The following RBFOX1 variants were observed in gnomAD, a reference collection of about 807,000 sequenced individuals.
The protein encoded by RBFOX1 is RNA binding fox-1 homolog 1, also known as RNA binding protein fox-1 homolog 1.
Under a neutral mutation model 57.7 loss-of-function variants are expected in RBFOX1, and 8 were observed. That is an observed-to-expected ratio of 0.14 (90% CI 0.08 to 0.25). The LOEUF (loss-of-function observed/expected upper bound fraction) is 0.25, where lower values mean the gene tolerates loss of function less well. RBFOX1 is among the 10% of genes least tolerant of loss of function. The pLI, the probability that RBFOX1 is intolerant of heterozygous loss-of-function variation, is 1.00. For missense variants in RBFOX1, 611 were observed against 548.5 expected, an observed-to-expected ratio of 1.11 and a Z score of -1.14; for synonymous variants, 326 against 222.4, an observed-to-expected ratio of 1.47 and a Z score of -4.15.
rs567069005 is a variant in RBFOX1 at position 7,414,225 on chromosome 16, A to G, written c.28-103922A>G. ...ATGGGATTGCAGGTGGTAGGGATAC[A>G]GAAATGGACAAAACCGAGTGCTCAC... On this transcript the variant is annotated intron_variant, in intron 4 of 15. Transcript: ENST00000550418. 5.9e-5 allele frequency among the ~76,000 whole-genome samples: 9 copies of G among 152,352 alleles called. No individual in the cohort carries two copies. In the South Asian group the frequency reaches 1.9e-3, roughly 32 times the overall value.
intron 3 of RBFOX1, among the ~76,000 whole-genome samples, chr16:5,827,331 C>T (rs892295204): frequency 3.6e-5 from 5 of 140,414 alleles, no homozygotes; most frequent in African/African-American, 1.4e-4. Context: ...GCCCAGGGGG[C>T]GGATGTTGCA....
intron 5 of RBFOX1, among the ~76,000 whole-genome samples, chr16:7,532,113 A>G (rs917609881): frequency 8.8e-5 from 13 of 147,518 alleles, no homozygotes; most frequent in African/African-American, 3.2e-4. Context: ...GGCCTTTTTT[A>G]GGGGGAGAAA....
intron 4 of RBFOX1, among the ~76,000 whole-genome samples, chr16:7,515,289 C>G (rs1356978358): frequency 6.6e-6 from 1 of 151,118 alleles, no homozygotes; most frequent in East Asian, 1.9e-4. Flanking sequence ...TAGTCAAGAC[C>G]CTTTTGGTTG....
chr16:6,856,021 A>G (rs184354438), intron 3 of RBFOX1, among the ~76,000 whole-genome samples: 1 of 151,950 alleles, frequency 6.6e-6, no homozygotes, highest in Non-Finnish European at 1.5e-5. Context: ...TATATTCTCT[A>G]ACTAGGGAAT....
At chr16:6,906,246 C>CG (rs1440668674) in intron 3 of RBFOX1, among the ~76,000 whole-genome samples, 1 of 151,988 alleles carries the variant, frequency 6.6e-6, no homozygotes, top group Non-Finnish European at 1.5e-5. Context: ...ATTACCCCCC[C>CG]CCAAAATATA....
At position 7,558,113 on chromosome 16, in the gene RBFOX1, G is replaced by T. The variant is rs1395587; in HGVS notation, c.271-21664G>T. Among the ~76,000 whole-genome samples, 726 of 152,168 alleles carry T rather than the reference G, an allele frequency of 4.8e-3. 7 individuals are homozygous for T. Among genetic ancestry groups the T allele is most frequent in the African/African-American group, 0.017 (688 of 41,500 alleles). ...CTCACGCCTGTAATTCCAGCACTTT[G>T]GGGGGCCGAGGTGGTAGATCACTGG... is the stretch of plus-strand genomic sequence containing the variant. On this transcript the variant is annotated intron_variant, in intron 5 of 15. Transcript: ENST00000550418.
chr16:7,255,032 A>C (rs1333757110), intron 4 of RBFOX1, among the ~76,000 whole-genome samples: 1 of 152,186 alleles, frequency 6.6e-6, no homozygotes, highest in Non-Finnish European at 1.5e-5. Context: ...TAATTTTGGA[A>C]CTTTATAACA....
intron 4 of RBFOX1, among the ~76,000 whole-genome samples, chr16:7,372,668 T>A (rs562713887): frequency 1.3e-5 from 2 of 152,088 alleles, no homozygotes; most frequent in Admixed American, 6.6e-5. Flanking sequence ...GTATTCTTTT[T>A]CCATTCTTCC....
intron 3 of RBFOX1, among the ~76,000 whole-genome samples, chr16:6,946,399 G>C (rs528756248): frequency 6.6e-6 from 1 of 152,294 alleles, no homozygotes; most frequent in East Asian, 1.9e-4. Flanking sequence ...CATAAAGCAA[G>C]CTCTACGCTT....
intron 1 of RBFOX1, among the ~76,000 whole-genome samples, chr16:6,049,157 G>C (rs2095526077): frequency 6.6e-6 from 1 of 150,432 alleles, no homozygotes; most frequent in African/African-American, 2.5e-5. Context: ...CGGCTTTCTG[G>C]GGTTCAAGTG....
At chr16:5,976,994 C>T (rs2060076699) in intron 4 of RBFOX1, among the ~76,000 whole-genome samples, 1 of 152,126 alleles carries the variant, frequency 6.6e-6, no homozygotes, top group Admixed American at 6.6e-5. Context: ...CTTTGATACA[C>T]CTCTGCCAGC....
chr16:5,836,432 C>G (rs998315209), intron 3 of RBFOX1, among the ~76,000 whole-genome samples: 2 of 152,190 alleles, frequency 1.3e-5, no homozygotes, highest in Non-Finnish European at 2.9e-5. Context: ...TCAGTCATAC[C>G]TGTCACTTGC....
chr16:6,635,817 T>C (rs183404234), intron 2 of RBFOX1, among the ~76,000 whole-genome samples: 22 of 152,304 alleles, frequency 1.4e-4, no homozygotes, highest in Admixed American at 6.5e-4. Context: ...GTCACTATCA[T>C]ATTCACCTGA....
At chr16:5,443,921 T>C (rs911124330) in intron 1 of RBFOX1, among the ~76,000 whole-genome samples, 2 of 152,164 alleles carry the variant, frequency 1.3e-5, no homozygotes, top group Non-Finnish European at 2.9e-5. Context: ...ATTTTCCACC[T>C]TGAGGAGCTA....
At chr16:5,709,758 A>C (rs2051383215) in intron 3 of RBFOX1, among the ~76,000 whole-genome samples, 1 of 128,316 alleles carries the variant, frequency 7.8e-6, no homozygotes, top group Non-Finnish European at 1.6e-5. Context: ...TTACACCAAT[A>C]TCTCCCATTT....
intron 4 of RBFOX1, among the ~76,000 whole-genome samples, chr16:7,055,855 C>G (rs1424806519): frequency 6.6e-6 from 1 of 152,094 alleles, no homozygotes; most frequent in African/African-American, 2.4e-5. Context: ...TGCTGGTTTC[C>G]TGTCATTAGT....
At chr16:5,891,995 G>A (rs570216613) in intron 4 of RBFOX1, among the ~76,000 whole-genome samples, 1 of 152,326 alleles carries the variant, frequency 6.6e-6, no homozygotes, top group South Asian at 2.1e-4. Context: ...CTGGGTATCG[G>A]GGAGAGGGTG....
chr16:6,813,691 C>A (rs528873845), intron 3 of RBFOX1, among the ~76,000 whole-genome samples: 3 of 152,254 alleles, frequency 2.0e-5, no homozygotes, highest in African/African-American at 7.2e-5. Context: ...TTTCCAAGTC[C>A]CATACTCTCT....
At chr16:6,528,296 C>G (rs775647618) in intron 2 of RBFOX1, among the ~76,000 whole-genome samples, 15 of 152,200 alleles carry the variant, frequency 9.9e-5, no homozygotes, top group Admixed American at 9.2e-4. Flanking sequence ...AATTAGACTT[C>G]CACTTCCCAA....
Sources: gnomAD v4.1 joint callset for allele counts (sites outside exome capture counted in the v4.1 genomes callset) on GRCh38, gnomAD v4.1.1 for gene constraint, MANE v1.5 for transcripts, NCBI Gene and HGNC (gene_info 2026-07-23, HGNC 2026-07-21) for gene names.